Variants in TJP1 observed in about 807,000 individuals in gnomAD.
TJP1 encodes the protein tight junction protein ZO-1.
TJP1 carries 43 observed loss-of-function variants against 194.2 expected under a neutral mutation model. That is an observed-to-expected ratio of 0.22 (90% CI 0.17 to 0.29). The LOEUF is 0.29. TJP1 is among the 10% of genes least tolerant of loss of function. The pLI, the probability that TJP1 is intolerant of heterozygous loss-of-function variation, is 1.00. For synonymous variants in TJP1, 801 were observed against 779.0 expected (o/e 1.03, Z -0.47); for missense variants, 1,971 against 2,185.7 (o/e 0.90, Z 1.96).
Position 29,953,559 on chromosome 15 carries a change from A to G in TJP1, c.306+2673T>C, listed in dbSNP as rs562688899. 1.6e-4 allele frequency among the ~76,000 whole-genome samples: 24 copies of G among 152,348 alleles called. No individual in the cohort carries two copies. In the South Asian group the frequency reaches 4.8e-3, roughly 30 times the overall value. ...TATTAATTGCCATATCTTATGGTAG[A>G]AAGTGGGAGGAGCCAAGCTGTTAAG... On this transcript the variant is annotated intron_variant, in intron 2 of 28. Coordinates refer to the TJP1 transcript ENST00000356107.
intron 2 of TJP1, among the ~76,000 whole-genome samples, chr15:29,934,877 CTG>C (rs1457117412): frequency 6.6e-6 from 1 of 152,124 alleles, no homozygotes; most frequent in Non-Finnish European, 1.5e-5. Flanking sequence ...TTTCATTTGA[CTG>C]TAGATTTACA....
chr15:29,847,630 A>G (rs28874323), intron 2 of TJP1, among the ~76,000 whole-genome samples: 25,378 of 151,944 alleles, frequency 0.17, 2,606 homozygotes, highest in South Asian at 0.23. Context: ...CTAAAAATAC[A>G]AAAAATTAGC....
At chr15:29,871,106 A>G (rs1006886814) in intron 2 of TJP1, among the ~76,000 whole-genome samples, 1 of 152,148 alleles carries the variant, frequency 6.6e-6, no homozygotes, top group African/African-American at 2.4e-5. Context: ...GAAAGGAAAG[A>G]TACTCCTCTA....
intron 2 of TJP1, among the ~76,000 whole-genome samples, chr15:29,845,538 G>T (rs555874898): frequency 3.3e-5 from 5 of 152,298 alleles, no homozygotes; most frequent in Admixed American, 1.3e-4. Context: ...GGGCGCAGAG[G>T]ATCACACCTG....
At chr15:29,783,480 C>A (rs1052666367) in intron 2 of TJP1, among the ~76,000 whole-genome samples, 6 of 152,140 alleles carry the variant, frequency 3.9e-5, no homozygotes, top group African/African-American at 1.4e-4. Context: ...TGGGTATATA[C>A]CCAAAGGAAT....
At chr15:29,926,382 C>A (rs1037766888) in intron 2 of TJP1, among the ~76,000 whole-genome samples, 3 of 152,158 alleles carry the variant, frequency 2.0e-5, no homozygotes, top group African/African-American at 7.2e-5. Context: ...GAGACCGAGG[C>A]AGGTGGATCA....
intron 2 of TJP1, among the ~76,000 whole-genome samples, chr15:29,848,151 A>C (rs2051490373): frequency 6.6e-6 from 1 of 151,710 alleles, no homozygotes; most frequent in South Asian, 2.1e-4. Context: ...TTTCTTGGTG[A>C]ATGTTCCATG....
intron 2 of TJP1, among the ~76,000 whole-genome samples, chr15:29,788,974 T>C (rs1438115876): frequency 6.6e-6 from 1 of 152,300 alleles, no homozygotes; most frequent in East Asian, 1.9e-4. Context: ...ACTTCAAAAA[T>C]GGCTAGTGTT....
At position 29,708,196 on chromosome 15, in the gene TJP1, C is replaced by CAA. The variant is rs770746842; in HGVS notation, c.4850+361_4850+362dup. Among the ~76,000 whole-genome samples the CAA allele has an allele frequency of 5.9e-3, 375 of 63,428 alleles. 5 individuals are homozygous for CAA. The highest frequency in any genetic ancestry group is 0.014 in the African/African-American group (283 of 20,290). 41.6% of individuals were successfully genotyped at this position (63,428 alleles called of 152,430 possible). A position where few individuals can be genotyped will look rare whatever the true frequency, so the allele number is the denominator to read the frequency against. On this transcript the variant is annotated intron_variant, in intron 25 of 27. Coordinates refer to ENST00000614355, the MANE Select transcript of TJP1 (RefSeq NM_001330239.4). ...GGGCGACAGAGGGAGACTCTTGTCT[C>CAA]AAAAAAAAAAAAAAAAAAAAGCATG...
intron 1 of TJP1, among the ~76,000 whole-genome samples, chr15:29,819,197 G>T (rs1040312341): frequency 6.6e-6 from 1 of 151,940 alleles, no homozygotes; most frequent in Non-Finnish European, 1.5e-5. Flanking sequence ...GATTTCCTTT[G>T]ATTTTTTTTA....
At chr15:29,772,008 T>G in intron 4 of TJP1, 56 bp downstream of exon 4, 2 of 1,079,538 alleles carry the variant, frequency 1.9e-6, no homozygotes, top group Non-Finnish European at 2.7e-6. Context: ...ATACCAGAAA[T>G]GTATCAACAA....
chr15:29,850,384 G>A (rs922155306), intron 2 of TJP1, among the ~76,000 whole-genome samples: 2 of 152,146 alleles, frequency 1.3e-5, no homozygotes, highest in Admixed American at 1.3e-4. Context: ...AGGCTGGAGT[G>A]TAGTGGCGCA....
chr15:29,906,604 G>C (rs2053823290), intron 2 of TJP1, among the ~76,000 whole-genome samples: 1 of 151,852 alleles, frequency 6.6e-6, no homozygotes, highest in Non-Finnish European at 1.5e-5. Context: ...TTTTGAGACA[G>C]AGTCTCACTC....
rs1360430156 is a variant in TJP1 at position 29,950,090 on chromosome 15, A to T, written c.306+6142T>A. Among the ~76,000 whole-genome samples, 4 of 32,526 alleles carry T rather than the reference A, an allele frequency of 1.2e-4. 1 individual carries two copies. Among genetic ancestry groups the T allele is most frequent in the Non-Finnish European group, 2.0e-4 (4 of 20,332 alleles). The allele number at this position is 32,526 out of a possible 152,430, so 21.3% of individuals were successfully genotyped here. On this transcript the variant is annotated intron_variant, in intron 2 of 28. Transcript: ENST00000356107. ...CACCACCTCCACCACCACCATCTTC[A>T]CCACCACCTCCACCACCACCACCTC... is the stretch of plus-strand genomic sequence containing the variant.
At chr15:29,899,783 G>A (rs1442055777) in intron 2 of TJP1, among the ~76,000 whole-genome samples, 1 of 152,098 alleles carries the variant, frequency 6.6e-6, no homozygotes, top group Non-Finnish European at 1.5e-5. Context: ...GGACCCCACC[G>A]ACCCACTCAC....
chr15:29,779,075 A>G (rs1424136036), intron 2 of TJP1, among the ~76,000 whole-genome samples: 2 of 152,180 alleles, frequency 1.3e-5, no homozygotes, highest in Non-Finnish European at 2.9e-5. Flanking sequence ...TCTCCCACGA[A>G]CTTCCTTACA....
At chr15:29,712,221 T>C (rs1330572939) in intron 23 of TJP1, among the ~76,000 whole-genome samples, 4 of 152,264 alleles carry the variant, frequency 2.6e-5, no homozygotes, top group Non-Finnish European at 5.9e-5. Context: ...AGAAGTCTTA[T>C]GATTGGCTTT....
At chr15:29,965,541 G>A (rs1047575657) in intron 1 of TJP1, among the ~76,000 whole-genome samples, 1 of 152,016 alleles carries the variant, frequency 6.6e-6, no homozygotes, top group African/African-American at 2.4e-5. Flanking sequence ...ACAAGCTGGT[G>A]CATTCCAAAG....
At chr15:29,788,997 C>G (rs1385367555) in intron 2 of TJP1, among the ~76,000 whole-genome samples, 7 of 152,130 alleles carry the variant, frequency 4.6e-5, no homozygotes, top group Admixed American at 1.3e-4. Flanking sequence ...CTGAAAGGTG[C>G]TGACATTGAA....
Sources: gnomAD v4.1 joint callset for allele counts (sites outside exome capture counted in the v4.1 genomes callset) on GRCh38, gnomAD v4.1.1 for gene constraint, MANE v1.5 for transcripts, NCBI Gene and HGNC (gene_info 2026-07-23, HGNC 2026-07-21) for gene names.